DRICH1: variants seen among roughly 807,000 people sequenced by gnomAD.
DRICH1 encodes the protein aspartate rich 1, also known as aspartate-rich protein 1.
A neutral mutation model predicts 39.5 loss-of-function variants in DRICH1; 38 were observed. The ratio of observed to expected loss-of-function variants is 0.96; its 90% CI spans 0.74 to 1.26. The LOEUF is 1.26. DRICH1 is among the 50% of genes most tolerant of loss of function. The pLI is 0.00. For missense variants in DRICH1, 279 were observed against 270.4 expected, an observed-to-expected ratio of 1.03 and a Z score of -0.22; for synonymous variants, 84 against 99.5, an observed-to-expected ratio of 0.84 and a Z score of 0.93.
the DRICH1 span, among the ~76,000 whole-genome samples, chr22:23,598,541 T>C: frequency 8.4e-3 from 1,251 of 148,430 alleles, 5 homozygotes; most frequent in African/African-American, 0.029. Flanking sequence ...TGTCTCACCC[T>C]GTGGCTGGGG....
At chr22:23,631,202 C>A (rs1928364941) in intron 1 of DRICH1, among the ~76,000 whole-genome samples, 1 of 151,950 alleles carries the variant, frequency 6.6e-6, no homozygotes. Flanking sequence ...GGCAGATCAC[C>A]AGGTCAGGAG....
chr22:23,625,612 T>G (rs1928011864), intron 2 of DRICH1, among the ~76,000 whole-genome samples: 1 of 152,092 alleles, frequency 6.6e-6, no homozygotes, highest in South Asian at 2.1e-4. Flanking sequence ...AGTCAAATAC[T>G]TGAAGAGACC....
At chr22:23,594,700 AAC>A in the DRICH1 span, among the ~76,000 whole-genome samples, 1 of 34,686 alleles carries the variant, frequency 2.9e-5, no homozygotes, top group Non-Finnish European at 4.9e-5. Flanking sequence ...CAGGATCCCT[AAC>A]ATAGAAACGA....
At chr22:23,619,458 G>A in intron 5 of DRICH1, 65 bp from the exon 6 acceptor site, 1 of 769,766 alleles carries the variant, frequency 1.3e-6, no homozygotes, top group East Asian at 2.5e-5. Flanking sequence ...AAATAACCAT[G>A]GTAATGTTGA....
At chr22:23,615,325 G>A (rs1186025487) in intron 8 of DRICH1, among the ~76,000 whole-genome samples, 5 of 152,132 alleles carry the variant, frequency 3.3e-5, no homozygotes, top group Admixed American at 6.5e-5. Context: ...GCAGTGAGCC[G>A]CGATCACGCC....
chr22:23,589,777 A>G, the DRICH1 span, among the ~76,000 whole-genome samples: 1 of 152,152 alleles, frequency 6.6e-6, no homozygotes, highest in African/African-American at 2.4e-5. Flanking sequence ...CCCTCAGCAG[A>G]TACCTTGGTG....
the DRICH1 span, among the ~76,000 whole-genome samples, chr22:23,599,636 G>A: frequency 6.6e-6 from 1 of 152,114 alleles, no homozygotes; most frequent in South Asian, 2.1e-4. Flanking sequence ...GTTGAGAGAA[G>A]GGGCGCTGAG....
chr22:23,603,072 G>A, the DRICH1 span, among the ~76,000 whole-genome samples: 2 of 141,596 alleles, frequency 1.4e-5, no homozygotes, highest in Non-Finnish European at 3.0e-5. Context: ...GTGGCACAAT[G>A]TTGGCTCACT....
chr22:23,626,560 A>G (rs1928075966), intron 1 of DRICH1, among the ~76,000 whole-genome samples: 1 of 152,220 alleles, frequency 6.6e-6, no homozygotes, highest in South Asian at 2.1e-4. Flanking sequence ...CTCCTAGAGT[A>G]TCATTCTCTA....
At chr22:23,613,061 C>A (rs1185406309) in intron 11 of DRICH1, among the ~76,000 whole-genome samples, 1 of 152,172 alleles carries the variant, frequency 6.6e-6, no homozygotes, top group Admixed American at 6.5e-5. Flanking sequence ...AGCAGGTGCA[C>A]TGCAAAGATA....
At position 23,608,626 on chromosome 22, in the gene DRICH1, T is replaced by C. The variant is rs1926863973; in HGVS notation, c.*138A>G. 5 of 917,678 alleles carry C rather than the reference T, an allele frequency of 5.4e-6. No homozygotes were observed. Among genetic ancestry groups the C allele is most frequent in the Non-Finnish European group, 6.9e-6 (4 of 582,898 alleles). The allele number at this position is 917,678 out of a possible 1,614,324, so 56.8% of individuals were successfully genotyped here. A position where few individuals can be genotyped will look rare whatever the true frequency, so the allele number is the denominator to read the frequency against. Reference sequence around the variant, plus strand: ...CGGTGGGTGGGAAGCAGCCTTGGACTTTTTCTCTCTGCTGGGACCAAGAGT... The same window carrying C: ...CGGTGGGTGGGAAGCAGCCTTGGACCTTTTCTCTCTGCTGGGACCAAGAGT... On this transcript the variant is annotated 3_prime_UTR_variant, in exon 12 of 12. Transcript: ENST00000317749.
At chr22:23,610,673 G>A (rs943685555) in intron 11 of DRICH1, 1 of 152,198 alleles carries the variant, frequency 6.6e-6, no homozygotes, top group Non-Finnish European at 1.5e-5. Context: ...GCTCTCTGCT[G>A]TTAGGTTTCC....
chr22:23,599,540 C>T, the DRICH1 span, among the ~76,000 whole-genome samples: 4 of 152,126 alleles, frequency 2.6e-5, no homozygotes, highest in African/African-American at 4.8e-5. Flanking sequence ...TGGCAGGGCA[C>T]GTGGTATGGC....
At chr22:23,632,746 T>C (rs1251515631), upstream of DRICH1, 2 of 152,136 alleles carry the variant, frequency 1.3e-5, no homozygotes, top group Admixed American at 6.6e-5. Context: ...AACTTGTCTC[T>C]ACTAAAAATA....
intron 8 of DRICH1, among the ~76,000 whole-genome samples, chr22:23,614,989 C>A (rs1294076651): frequency 6.6e-6 from 1 of 152,142 alleles, no homozygotes; most frequent in Non-Finnish European, 1.5e-5. Flanking sequence ...ATCTACTGAA[C>A]TGGGGAAATG....
chr22:23,608,861 C>T lies in DRICH1; in HGVS notation c.686-93G>A, dbSNP rs959004065. The T allele has an allele frequency of 1.1e-5, 15 of 1,358,248 alleles. No individual in the cohort carries two copies. In the Admixed American group the frequency reaches 2.6e-4, roughly 23 times the overall value. The allele number at this position is 1,358,248 out of a possible 1,614,324, so 84.1% of individuals were successfully genotyped here. A position where few individuals can be genotyped will look rare whatever the true frequency, so the allele number is the denominator to read the frequency against. ...CACTAAGCAGCCTCCACGCCAGCAT[C>T]CCTGGGCTCCCGCCTCTGCAGTCCA... On this transcript the variant is annotated intron_variant, in intron 11 of 11. Coordinates refer to ENST00000317749, the MANE Select transcript of DRICH1 (RefSeq NM_016449.4).
chr22:23,626,999 T>C (rs897942691), intron 1 of DRICH1, among the ~76,000 whole-genome samples: 1 of 151,932 alleles, frequency 6.6e-6, no homozygotes, highest in African/African-American at 2.4e-5. Flanking sequence ...TGCGGGGATG[T>C]AAATCTCTCC....
In DRICH1 at chr22:23,608,606, G is replaced by T; in HGVS notation, c.*158C>A. 1.4e-6 allele frequency: 1 copy of T among 721,804 alleles called. No homozygotes were observed. Among genetic ancestry groups the T allele is most frequent in the Non-Finnish European group, 2.4e-6 (1 of 417,802 alleles). The allele number at this position is 721,804 out of a possible 1,614,324, so 44.7% of individuals were successfully genotyped here. On this transcript the variant is annotated 3_prime_UTR_variant, in exon 12 of 12. Coordinates refer to ENST00000317749, the MANE Select transcript of DRICH1 (RefSeq NM_016449.4). Reference sequence around the variant, plus strand: ...CAGGCCAAACCTAGTGCTGGCGGTGGGTGGGAAGCAGCCTTGGACTTTTTC... The same window carrying T: ...CAGGCCAAACCTAGTGCTGGCGGTGTGTGGGAAGCAGCCTTGGACTTTTTC...
intron 3 of DRICH1, chr22:23,624,026 C>T (rs1421705244): frequency 3.0e-6 from 3 of 985,242 alleles, no homozygotes; most frequent in African/African-American, 3.5e-5. Context: ...CCCTCCATTT[C>T]CAAGACACTG....
Sources: allele counts gnomAD v4.1 joint callset (sites outside exome capture counted in the v4.1 genomes callset), GRCh38; gene constraint gnomAD v4.1.1; transcripts MANE v1.5; gene names NCBI Gene and HGNC (gene_info 2026-07-23, HGNC 2026-07-21).